ADCY8: variants seen among roughly 807,000 people sequenced by gnomAD.
The protein encoded by ADCY8 is adenylate cyclase 8, also known as adenylate cyclase type 8.
A neutral mutation model predicts 119.7 loss-of-function variants in ADCY8; 51 were observed. The observed-to-expected ratio is 0.43, with a 90% CI of 0.34 to 0.54. The LOEUF is 0.54. Among genes scored for constraint, ADCY8 ranks in the 20% least tolerant of loss-of-function variants. ADCY8 has a pLI of 0.03. For synonymous variants in ADCY8, 665 were observed against 651.0 expected (o/e 1.02, Z -0.33); for missense variants, 1,383 against 1,598.8 (o/e 0.87, Z 2.30).
intron 5 of ADCY8, among the ~76,000 whole-genome samples, chr8:130,928,879 A>C (rs1429625068): frequency 2.6e-5 from 4 of 152,080 alleles, no homozygotes; most frequent in Non-Finnish European, 5.9e-5. Flanking sequence ...ATTCTTCTTT[A>C]AATTTTGATA....
At chr8:130,986,955 T>C (rs1822419586) in intron 2 of ADCY8, among the ~76,000 whole-genome samples, 1 of 152,216 alleles carries the variant, frequency 6.6e-6, no homozygotes, top group Non-Finnish European at 1.5e-5. Context: ...ATACGTATCT[T>C]GTCATCGGTA....
At position 131,029,122 on chromosome 8, in the gene ADCY8, C is replaced by T. The variant is rs544138852; in HGVS notation, c.960+10252G>A. 3.9e-5 allele frequency among the ~76,000 whole-genome samples: 6 copies of T among 152,328 alleles called. No homozygotes were observed. The East Asian group carries it at 1.2e-3, about 29-fold the overall frequency. The stretch of plus-strand genomic sequence containing the variant: ...CAGTTGCCAGTGGTGGCATTAGATT[C>T]TCATAGGAGTTCAAACCCTATTGTG... On this transcript the variant is annotated intron_variant, in intron 1 of 17. Transcript: ENST00000286355.
intron 8 of ADCY8, among the ~76,000 whole-genome samples, chr8:130,882,575 G>T (rs1818817156): frequency 6.6e-6 from 1 of 152,140 alleles, no homozygotes; most frequent in African/African-American, 2.4e-5. Context: ...AGTGGCTATG[G>T]CATCATGGTA....
intron 1 of ADCY8, among the ~76,000 whole-genome samples, chr8:131,016,213 G>A (rs756544549): frequency 6.6e-6 from 1 of 152,046 alleles, no homozygotes; most frequent in Non-Finnish European, 1.5e-5. Context: ...ATGCAGTATG[G>A]TGGGGGGAGG....
At chr8:130,805,276 A>C (rs992160719) in intron 14 of ADCY8, among the ~76,000 whole-genome samples, 5 of 152,232 alleles carry the variant, frequency 3.3e-5, no homozygotes, top group Admixed American at 2.0e-4. Flanking sequence ...TGGGGGATAC[A>C]GAGATTAAAT....
Position 130,849,781 on chromosome 8 carries a change from A to G in ADCY8, c.2233T>C (p.Phe745Leu), listed in dbSNP as rs562748729. ...SSRVMPMTIQ[F>L]SILIMLHSAL... ...GAGTGCAGCATAATCAGAATGGAGA[A>G]CTGGATGGTCATTGGCATCACTCTG... The change falls in exon 10 of 18, where the codon TTC (phenylalanine) becomes CTC (leucine). Residue 745 changes from phenylalanine to leucine, a missense_variant. This residue lies in a region of ADCY8 where 928 missense variants were observed against 1,163.5 expected (regional missense o/e 0.80). Coordinates refer to ENST00000286355, the MANE Select transcript of ADCY8 (RefSeq NM_001115.3). The G allele has an allele frequency of 1.2e-6, 2 of 1,613,268 alleles. No individual in the cohort carries two copies. The highest frequency in any genetic ancestry group is 2.2e-5 in the East Asian group (1 of 44,776).
At chr8:130,863,984 T>A (rs940312588) in intron 9 of ADCY8, among the ~76,000 whole-genome samples, 1 of 152,196 alleles carries the variant, frequency 6.6e-6, no homozygotes, top group Non-Finnish European at 1.5e-5. Context: ...TTTGAAGAAA[T>A]TTTTCACATT....
At chr8:130,789,275 T>G (rs767154123) in intron 15 of ADCY8, among the ~76,000 whole-genome samples, 1 of 152,204 alleles carries the variant, frequency 6.6e-6, no homozygotes, top group Non-Finnish European at 1.5e-5. Context: ...CTGGCTAATC[T>G]CAATGTCTGT....
At chr8:130,933,788 A>G (rs1820703882) in intron 5 of ADCY8, among the ~76,000 whole-genome samples, 1 of 152,228 alleles carries the variant, frequency 6.6e-6, no homozygotes, top group Non-Finnish European at 1.5e-5. Context: ...TTGATTATAG[A>G]TGCTCATTTA....
chr8:131,039,008 G>A (rs1181099276), intron 1 of ADCY8, among the ~76,000 whole-genome samples: 1 of 152,278 alleles, frequency 6.6e-6, no homozygotes. Flanking sequence ...AGATGTTAAG[G>A]AATGGGTCAC....
intron 7 of ADCY8, chr8:130,892,244 G>A (rs1287072924): frequency 5.3e-5 from 8 of 152,230 alleles, no homozygotes; most frequent in Middle Eastern, 3.4e-3. Flanking sequence ...TCCCAGTTAT[G>A]AGTAAACAAT....
At position 130,910,667 on chromosome 8, in the gene ADCY8, C is replaced by T. The variant is rs568844808; in HGVS notation, c.1482-801G>A. Among the ~76,000 whole-genome samples the T allele has an allele frequency of 3.5e-4, 53 of 152,272 alleles. No individual in the cohort carries two copies. The South Asian group carries it at 0.011, about 30-fold the overall frequency. ...GAACTTCCATTCACAGCTTTTGTTA[C>T]TTATGTTGAAAAGCTTTACCAACAT... On this transcript the variant is annotated intron_variant, in intron 5 of 17. Coordinates refer to ENST00000286355, the MANE Select transcript of ADCY8 (RefSeq NM_001115.3).
At chr8:130,847,282 GA>G in intron 11 of ADCY8, 141 bp downstream of exon 11, 1 of 590,946 alleles carries the variant, frequency 1.7e-6, no homozygotes, top group Non-Finnish European at 3.0e-6. Flanking sequence ...GAAAGAAGAA[GA>G]AAGGAAAGAA....
Position 131,039,843 on chromosome 8 carries a change from C to T in ADCY8, c.491G>A (p.Arg164Gln), listed in dbSNP as rs1443310833. Residue 164 changes from arginine (R) to glutamine (Q), a missense_variant, in exon 1 of 18, where the codon CGG becomes CAG. Transcript: ENST00000286355. ...GCGCTGGTAGAGGCGTTCCAAATCC[C>T]GAGATTTGAAGGAGTTGCGCAGGGT... ...FPTLRNSFKS[R>Q]DLERLYQRYF... 2.5e-6 allele frequency: 4 copies of T among 1,614,132 alleles called. No homozygotes were observed. Among genetic ancestry groups the T allele is most frequent in the Admixed American group, 3.3e-5 (2 of 60,028 alleles).
intron 12 of ADCY8, among the ~76,000 whole-genome samples, chr8:130,832,832 T>C (rs1016015140): frequency 3.9e-5 from 6 of 152,228 alleles, no homozygotes; most frequent in Admixed American, 2.0e-4. Flanking sequence ...GTACCTGCTA[T>C]GTGCCAGGCA....
chr8:130,972,342 T>C (rs1054132102), intron 2 of ADCY8, among the ~76,000 whole-genome samples: 3 of 152,182 alleles, frequency 2.0e-5, no homozygotes, highest in Admixed American at 6.5e-5. Flanking sequence ...CTGTCATCTC[T>C]CATCATGTGT....
intron 12 of ADCY8, among the ~76,000 whole-genome samples, chr8:130,823,226 C>T (rs1048937684): frequency 1.4e-5 from 2 of 146,192 alleles, no homozygotes; most frequent in African/African-American, 2.5e-5. Context: ...AGACAAAACT[C>T]AGAAGAAAAA....
intron 1 of ADCY8, among the ~76,000 whole-genome samples, chr8:130,997,730 G>A (rs1356477716): frequency 2.0e-5 from 3 of 152,136 alleles, no homozygotes. Context: ...TTTACTAAAT[G>A]TTTTGATGGA....
chr8:131,029,927 A>G (rs1307923009), intron 1 of ADCY8, among the ~76,000 whole-genome samples: 1 of 152,094 alleles, frequency 6.6e-6, no homozygotes, highest in Non-Finnish European at 1.5e-5. Flanking sequence ...CATTCCATTC[A>G]TTTAAAATAT....
Sources: gnomAD v4.1 joint callset for allele counts (sites outside exome capture counted in the v4.1 genomes callset) on GRCh38, gnomAD v4.1.1 for gene constraint, gnomAD v4.1.1 regional missense constraint, MANE v1.5 for transcripts, NCBI Gene and HGNC (gene_info 2026-07-23, HGNC 2026-07-21) for gene names.